CDH8: variants seen among roughly 807,000 people sequenced by gnomAD.
CDH8 encodes the protein cadherin 8.
In CDH8, 17 loss-of-function variants were observed where a neutral mutation model predicts 68.1. The observed-to-expected ratio is 0.25, with a 90% CI of 0.17 to 0.37. The LOEUF is 0.37. CDH8 is among the 10% of genes least tolerant of loss of function. The pLI, the probability that CDH8 is intolerant of heterozygous loss-of-function variation, is 1.00. For missense variants in CDH8, 763 were observed against 999.3 expected (o/e 0.76, Z 3.19); for synonymous variants, 372 against 365.1 (o/e 1.02, Z -0.21).
At chr16:61,823,136 TTATGAATTGCCAGATG>T (rs768789023) in intron 5 of CDH8, among the ~76,000 whole-genome samples, 5 of 151,924 alleles carry the variant, frequency 3.3e-5, no homozygotes, top group Non-Finnish European at 2.9e-5. Context: ...GTTGTCTGAT[TTATGAATTGCCAGATG>T]TAAAAATTCT....
intron 3 of CDH8, among the ~76,000 whole-genome samples, chr16:61,894,555 C>T (rs1042205901): frequency 6.6e-6 from 1 of 152,084 alleles, no homozygotes; most frequent in Non-Finnish European, 1.5e-5. Flanking sequence ...ACAATTTACT[C>T]TCAAACAGTT....
At chr16:62,034,353 A>G (rs1290569620) in intron 1 of CDH8, among the ~76,000 whole-genome samples, 1 of 152,184 alleles carries the variant, frequency 6.6e-6, no homozygotes, top group Non-Finnish European at 1.5e-5. Context: ...GGCTGAATGG[A>G]TGGAAAATCC....
chr16:61,690,376 T>C (rs894521723), intron 10 of CDH8, among the ~76,000 whole-genome samples: 1 of 152,080 alleles, frequency 6.6e-6, no homozygotes, highest in African/African-American at 2.4e-5. Context: ...TAAACCCTCT[T>C]GCTAAATGTG....
chr16:61,967,777 G>A (rs1965277106), intron 2 of CDH8, among the ~76,000 whole-genome samples: 3 of 152,030 alleles, frequency 2.0e-5, no homozygotes, highest in South Asian at 4.1e-4. Context: ...GTACTTATAC[G>A]ACAGTTGAAT....
intron 2 of CDH8, among the ~76,000 whole-genome samples, chr16:61,925,443 A>G (rs1295699855): frequency 6.6e-6 from 1 of 152,222 alleles, no homozygotes; most frequent in East Asian, 1.9e-4. Context: ...CAAAAGCACA[A>G]GGCTCACCTT....
At chr16:61,813,188 T>C (rs1302596716) in intron 7 of CDH8, among the ~76,000 whole-genome samples, 1 of 152,170 alleles carries the variant, frequency 6.6e-6, no homozygotes. Context: ...ATTTAGAGAA[T>C]GAATAGTCAA....
intron 9 of CDH8, among the ~76,000 whole-genome samples, chr16:61,724,562 T>G (rs1015295683): frequency 3.3e-5 from 5 of 150,688 alleles, no homozygotes; most frequent in Non-Finnish European, 6.0e-5. Context: ...AGGAAGCTGA[T>G]CCCCTGAGTT....
chr16:61,698,008 T>C (rs1227258880), intron 10 of CDH8, among the ~76,000 whole-genome samples: 1 of 152,208 alleles, frequency 6.6e-6, no homozygotes, highest in African/African-American at 2.4e-5. Flanking sequence ...ACAGTGCAGA[T>C]AGCTTGAGTG....
intron 7 of CDH8, among the ~76,000 whole-genome samples, chr16:61,800,619 G>C (rs140583177): frequency 1.3e-5 from 2 of 152,240 alleles, no homozygotes; most frequent in African/African-American, 4.8e-5. Flanking sequence ...TCCCAAACTT[G>C]ATTTGTCCCC....
chr16:61,954,339 A>G (rs970922637), intron 2 of CDH8, among the ~76,000 whole-genome samples: 13 of 152,128 alleles, frequency 8.5e-5, no homozygotes, highest in African/African-American at 3.1e-4. Flanking sequence ...CCAGTCCCAG[A>G]GCCAATGATA....
chr16:61,772,849 G>A (rs112710423), intron 8 of CDH8, among the ~76,000 whole-genome samples: 17 of 152,024 alleles, frequency 1.1e-4, no homozygotes, highest in African/African-American at 3.9e-4. Flanking sequence ...TGATTCTGAC[G>A]CACCAAAAAA....
intron 4 of CDH8, among the ~76,000 whole-genome samples, chr16:61,837,219 G>C (rs553127967): frequency 9.9e-5 from 15 of 152,134 alleles, no homozygotes; most frequent in Non-Finnish European, 2.1e-4. Flanking sequence ...GTCTGTGCAA[G>C]ACATAGCATC....
At chr16:61,768,304 GTCTCTCCCTTTC>G (rs1567461013) in intron 8 of CDH8, among the ~76,000 whole-genome samples, 26 of 73,672 alleles carry the variant, frequency 3.5e-4, no homozygotes, top group Non-Finnish European at 4.7e-4. Context: ...CTCTCTCTGT[GTCTCTCCCTTTC>G]TCTCTCTCTC....
chr16:62,001,994 A>T (rs1238255385), intron 2 of CDH8, among the ~76,000 whole-genome samples: 2 of 152,118 alleles, frequency 1.3e-5, no homozygotes, highest in Non-Finnish European at 2.9e-5. Context: ...GTAGCCCACT[A>T]TTGTATATTT....
At chr16:61,889,973 T>C (rs1963744798) in intron 3 of CDH8, among the ~76,000 whole-genome samples, 1 of 152,166 alleles carries the variant, frequency 6.6e-6, no homozygotes, top group South Asian at 2.1e-4. Flanking sequence ...TTGACTGATT[T>C]GAAAACACTT....
At chr16:61,890,244 T>C (rs1038798842) in intron 3 of CDH8, among the ~76,000 whole-genome samples, 1 of 152,094 alleles carries the variant, frequency 6.6e-6, no homozygotes, top group African/African-American at 2.4e-5. Flanking sequence ...TTTAAGATAA[T>C]TCCAATTAGC....
chr16:61,729,437 G>T (rs540721920), intron 8 of CDH8, among the ~76,000 whole-genome samples: 4 of 151,102 alleles, frequency 2.6e-5, no homozygotes, highest in Non-Finnish European at 5.9e-5. Context: ...TGTCTAAGGG[G>T]TTGTACCATC....
chr16:61,798,343 A>C (rs1281649217), intron 7 of CDH8, among the ~76,000 whole-genome samples: 9 of 152,162 alleles, frequency 5.9e-5, no homozygotes, highest in African/African-American at 2.2e-4. Flanking sequence ...AAGAGGAGTG[A>C]CATGATATAA....
intron 2 of CDH8, among the ~76,000 whole-genome samples, chr16:62,013,631 A>C (rs1901869367): frequency 6.6e-6 from 1 of 152,154 alleles, no homozygotes; most frequent in Admixed American, 6.5e-5. Flanking sequence ...TTAAGTTGCA[A>C]CCACACTCTT....
Sources: allele counts gnomAD v4.1 joint callset (sites outside exome capture counted in the v4.1 genomes callset), GRCh38; gene constraint gnomAD v4.1.1; transcripts MANE v1.5; gene names NCBI Gene and HGNC (gene_info 2026-07-23, HGNC 2026-07-21).